The following PML variants were observed in gnomAD, a reference collection of about 807,000 sequenced individuals.
PML encodes PML nuclear body scaffold, also known as protein PML.
Under a neutral mutation model 65.2 loss-of-function variants are expected in PML, and 28 were observed. The ratio of observed to expected loss-of-function variants is 0.43; its 90% CI spans 0.32 to 0.59. PML has a LOEUF of 0.59. Ranked by LOEUF, PML falls within the 20% of genes least tolerant of loss-of-function variation. The probability of loss-of-function intolerance (pLI) is 0.08; values close to 1 mark genes in which losing one functional copy is unlikely to be tolerated. For synonymous variants in PML, 500 were observed against 508.8 expected (o/e 0.98, Z 0.23); for missense variants, 1,021 against 1,203.4 (o/e 0.85, Z 2.24).
chr15:74,004,017 A>T (rs1239135083), intron 2 of PML, among the ~76,000 whole-genome samples: 1 of 152,162 alleles, frequency 6.6e-6, no homozygotes, highest in Non-Finnish European at 1.5e-5. Flanking sequence ...ATAAATTTCT[A>T]GTCTCTGGTG....
At chr15:74,034,984 T>C in intron 7 of PML, 1 of 1,499,716 alleles carries the variant, frequency 6.7e-7, no homozygotes, top group Non-Finnish European at 8.8e-7. Context: ...TAGAAAGATA[T>C]ATAAATCCAT....
chr15:74,036,196 C>T, intron 7 of PML: 1 of 1,589,632 alleles, frequency 6.3e-7, no homozygotes. Flanking sequence ...GGCCTCTTTG[C>T]CCAAGAAAGA....
chr15:74,030,270 G>A (rs1467774370), intron 4 of PML, among the ~76,000 whole-genome samples: 1 of 152,186 alleles, frequency 6.6e-6, no homozygotes, highest in Non-Finnish European at 1.5e-5. Flanking sequence ...ACAAAAGAGA[G>A]AAAGATGGTG....
intron 2 of PML, among the ~76,000 whole-genome samples, chr15:74,021,048 C>T (rs1411393989): frequency 6.6e-6 from 1 of 152,208 alleles, no homozygotes; most frequent in Admixed American, 6.5e-5. Flanking sequence ...GGAATTTGCA[C>T]GTGGACATCT....
rs1412953827 is a variant in PML at position 74,042,879 on chromosome 15, C to G, written c.1711-110C>G. On this transcript the variant is annotated intron_variant, in intron 7 of 8. Transcript: ENST00000268058. This position sits in a 1 kb window ranked among gnomAD's most constrained non-coding sequence, Gnocchi z 5.3. ...ACGTCCCCTTTCCCAGTGGTACACC[C>G]TCCTTCATGTGCACGCAGATGCTCC... 1.9e-6 allele frequency: 3 copies of G among 1,596,470 alleles called. No individual in the cohort carries two copies. The highest frequency in any genetic ancestry group is 2.6e-6 in the Non-Finnish European group (3 of 1,175,960).
chr15:74,014,521 C>T lies in PML; in HGVS notation c.603-8307C>T, dbSNP rs146118573. On this transcript the variant is annotated intron_variant, in intron 2 of 8. Transcript: ENST00000268058. ...CTAATTTTTGTATTTTTATTAGAGA[C>T]GGGAGGCCGAGGCGGGTGGATCACA... Among the ~76,000 whole-genome samples the T allele has an allele frequency of 4.8e-4, 72 of 151,562 alleles. No homozygotes were observed. The East Asian group carries it at 0.011, about 24-fold the overall frequency.
intron 2 of PML, among the ~76,000 whole-genome samples, chr15:74,020,287 CTTTTTTT>C (rs1187914506): frequency 8.6e-6 from 1 of 116,274 alleles, no homozygotes; most frequent in South Asian, 3.0e-4. Context: ...TGACTTATTC[CTTTTTTT>C]TTTTTTTTTT....
intron 2 of PML, among the ~76,000 whole-genome samples, chr15:74,000,332 G>A (rs375948919): frequency 6.6e-6 from 1 of 151,976 alleles, no homozygotes; most frequent in South Asian, 2.1e-4. Context: ...TTGAGACGGG[G>A]TCTTGCTCTG....
rs2071529827 is a variant in PML at position 74,035,771 on chromosome 15, G to A, written c.1710+1241G>A. 6.2e-7 allele frequency: 1 copy of A among 1,614,136 alleles called. No homozygotes were observed. Among genetic ancestry groups the A allele is most frequent in the Non-Finnish European group, 8.5e-7 (1 of 1,180,016 alleles). Reference sequence around the variant, plus strand: ...ACATGTCTTCCGTGGTGGGGGCAGGGGAAAGCAGAGCCCAGACTCTTGGAG... The same window carrying A: ...ACATGTCTTCCGTGGTGGGGGCAGGAGAAAGCAGAGCCCAGACTCTTGGAG... On this transcript the variant is annotated intron_variant, in intron 7 of 8. Coordinates refer to ENST00000268058, the MANE Select transcript of PML (RefSeq NM_033238.3). This position sits in a 1 kb window ranked among gnomAD's most constrained non-coding sequence, Gnocchi z 4.1.
intron 7 of PML, chr15:74,041,473 G>A (rs574297739): frequency 1.3e-5 from 2 of 152,566 alleles, no homozygotes; most frequent in East Asian, 1.9e-4. Flanking sequence ...TTTTGACAGC[G>A]TGGCTGAATG....
intron 2 of PML, among the ~76,000 whole-genome samples, chr15:74,002,444 C>CTTTTTTTTTTTTT (rs71137368): frequency 2.6e-4 from 27 of 104,748 alleles, no homozygotes; most frequent in Non-Finnish European, 3.3e-4. Flanking sequence ...TCTTTCTTTT[C>CTTTTTTTTTTTTT]TTTTTTTTTT....
chr15:74,045,112 C>A lies in PML; in HGVS notation c.*104C>A. Reference sequence around the variant, plus strand: ...CATTCCCAGGTCCTGGTACCCAGCCCTCAGTTGTCATTTGGTTCAGAATCA... The same window carrying A: ...CATTCCCAGGTCCTGGTACCCAGCCATCAGTTGTCATTTGGTTCAGAATCA... On this transcript the variant is annotated 3_prime_UTR_variant, in exon 9 of 9. Transcript: ENST00000268058. The A allele has an allele frequency of 9.5e-7, 1 of 1,052,422 alleles. No individual in the cohort carries two copies. The highest frequency in any genetic ancestry group is 2.5e-5 in the East Asian group (1 of 40,148). The allele number at this position is 1,052,422 out of a possible 1,614,324, so 65.2% of individuals were successfully genotyped here.
chr15:74,028,411 C>T (rs933507703), intron 4 of PML: 7 of 142,644 alleles, frequency 4.9e-5, no homozygotes, highest in East Asian at 2.0e-4. Context: ...AGACACAGAA[C>T]GATAGAGCAG....
intron 2 of PML, among the ~76,000 whole-genome samples, chr15:74,017,958 G>A (rs2070669486): frequency 6.6e-6 from 1 of 151,876 alleles, no homozygotes; most frequent in Non-Finnish European, 1.5e-5. Context: ...AAAATGTTGA[G>A]ACTCTGTCTC....
At chr15:74,039,050 C>T (rs1434621976) in intron 7 of PML, among the ~76,000 whole-genome samples, 1 of 152,214 alleles carries the variant, frequency 6.6e-6, no homozygotes, top group Admixed American at 6.5e-5. Flanking sequence ...TGTTTTCACC[C>T]ACTCTTGTGA....
In PML at chr15:74,037,953, T is replaced by C. The variant is rs1385408953; in HGVS notation, c.1710+3423T>C. The stretch of plus-strand genomic sequence containing the variant: ...TCCAACAGCTCCGCATGGATGCCCA[T>C]AGGTACCTCAAACTCAGCACCTTCT... On this transcript the variant is annotated intron_variant, in intron 7 of 8. Coordinates refer to ENST00000268058, the MANE Select transcript of PML (RefSeq NM_033238.3). The surrounding 1 kb of genome is among the most constrained non-coding windows in gnomAD (Gnocchi z 4.2). 2.8e-4 allele frequency among the ~76,000 whole-genome samples: 42 copies of C among 152,088 alleles called. No individual in the cohort carries two copies. Among genetic ancestry groups the C allele is most frequent in the Admixed American group, 2.8e-3 (42 of 15,252 alleles).
At chr15:74,040,307 C>T (rs2071666308) in intron 7 of PML, among the ~76,000 whole-genome samples, 1 of 152,162 alleles carries the variant, frequency 6.6e-6, no homozygotes, top group Non-Finnish European at 1.5e-5. Context: ...AAAGCTTTCC[C>T]CCTTGATTCC....
At position 74,002,444 on chromosome 15, in the gene PML, C is replaced by CTTTTTTT. The variant is rs71137368; in HGVS notation, c.602+3981_602+3987dup. On this transcript the variant is annotated intron_variant, in intron 2 of 8. Coordinates refer to ENST00000268058, the MANE Select transcript of PML (RefSeq NM_033238.3). ...GAAACTTTCTACCTTTCTTTCTTTT[C>CTTTTTTT]TTTTTTTTTTTTTTTTTTTGATGGA... 2.2e-3 allele frequency among the ~76,000 whole-genome samples: 233 copies of CTTTTTTT among 104,696 alleles called. 1 individual carries two copies. The highest frequency in any genetic ancestry group is 6.6e-3 in the Middle Eastern group (1 of 152). The allele number at this position is 104,696 out of a possible 152,430, so 68.7% of individuals were successfully genotyped here. A position where few individuals can be genotyped will look rare whatever the true frequency, so the allele number is the denominator to read the frequency against.
intron 2 of PML, among the ~76,000 whole-genome samples, chr15:74,009,425 G>T (rs2070219149): frequency 6.6e-6 from 1 of 152,144 alleles, no homozygotes; most frequent in African/African-American, 2.4e-5. Flanking sequence ...AGCATTACAT[G>T]GGCAGAAGAA....
Sources: gnomAD v4.1 joint callset for allele counts (sites outside exome capture counted in the v4.1 genomes callset) on GRCh38, gnomAD v4.1.1 for gene constraint, Gnocchi (gnomAD v3.1) non-coding constraint, MANE v1.5 for transcripts, NCBI Gene and HGNC (gene_info 2026-07-23, HGNC 2026-07-21) for gene names.